Variants in EIF3L observed in about 807,000 individuals in gnomAD.
The protein encoded by EIF3L is eukaryotic translation initiation factor 3 subunit L.
A neutral mutation model predicts 74.6 loss-of-function variants in EIF3L; 32 were observed. The ratio of observed to expected loss-of-function variants is 0.43; its 90% CI spans 0.32 to 0.58. The LOEUF (loss-of-function observed/expected upper bound fraction) is 0.58. Ranked by LOEUF, EIF3L falls within the 20% of genes least tolerant of loss-of-function variation. The probability of loss-of-function intolerance (pLI) is 0.06; values close to 1 mark genes in which losing one functional copy is unlikely to be tolerated. For synonymous variants in EIF3L, 256 were observed against 254.4 expected (o/e 1.01, Z -0.06); for missense variants, 474 against 707.8 (o/e 0.67, Z 3.75).
At position 37,888,512 on chromosome 22, in the gene EIF3L, G is replaced by A. The variant is rs1221023416; in HGVS notation, c.*48G>A. 1.2e-6 allele frequency: 2 copies of A among 1,602,176 alleles called. No individual in the cohort carries two copies. The highest frequency in any genetic ancestry group is 4.5e-5 in the East Asian group (2 of 44,804). The stretch of plus-strand genomic sequence containing the variant: ...ACCTGTTTTGATGTATTATAGGCAG[G>A]AAGTGTTTTTGCTACCGTGAAACCT... On this transcript the variant is annotated 3_prime_UTR_variant, in exon 13 of 13. Coordinates refer to ENST00000652021, the MANE Select transcript of EIF3L (RefSeq NM_016091.4).
At position 37,877,717 on chromosome 22, in the gene EIF3L, C is replaced by T. The variant is rs756257327; in HGVS notation, c.1121C>T (p.Ala374Val). Residue 374 changes from alanine (A) to valine (V), a missense_variant, in exon 11 of 13, where the codon GCC (alanine) becomes GTC (valine). Around this residue, in one of 4 missense-constraint regions of EIF3L, gnomAD observed 293 missense variants for 469.1 expected, o/e 0.62. Transcript: ENST00000652021. ...CAGATGCATGCGCTGCTGGCCATTG[C>T]CCTCACGATGTACCCCATGCGTATT... Reference protein sequence around the residue: ...NEQMHALLAIALTMYPMRIDE... With the variant: ...NEQMHALLAIVLTMYPMRIDE... The T allele has an allele frequency of 9.9e-6, 16 of 1,612,280 alleles. No homozygotes were observed. In the South Asian group the frequency reaches 1.8e-4, roughly 18 times the overall value.
rs771870532 is a variant in EIF3L, at chr22:37,862,953, C to G, written c.436-16C>G. On this transcript the variant is annotated splice_polypyrimidine_tract_variant and intron_variant, in intron 5 of 12. Transcript: ENST00000652021. The stretch of plus-strand genomic sequence containing the variant: ...ATTAAATATCTGTATCTTGATATCT[C>G]TTGTTTTCTTTACAGGGGGGACCTT... 1.9e-6 allele frequency: 3 copies of G among 1,593,874 alleles called. No homozygotes were observed. Among genetic ancestry groups the G allele is most frequent in the South Asian group, 1.1e-5 (1 of 89,120 alleles).
intron 7 of EIF3L, among the ~76,000 whole-genome samples, chr22:37,867,060 G>A (rs1297853097): frequency 6.6e-6 from 1 of 152,088 alleles, no homozygotes; most frequent in Non-Finnish European, 1.5e-5. Context: ...TTAAGAGATG[G>A]GGGTCTTGCC....
At chr22:37,878,210 G>C (rs771466383) in intron 11 of EIF3L, 39 bp downstream of exon 11, 3 of 1,544,062 alleles carry the variant, frequency 1.9e-6, no homozygotes, top group Non-Finnish European at 2.6e-6. Flanking sequence ...TGTATTAAGT[G>C]TTCAGTATCT....
rs111865277 is a variant in EIF3L, at chr22:37,876,032, C to T, written c.1077+21C>T. On this transcript the variant is annotated intron_variant, in intron 10 of 12. Transcript: ENST00000652021. ...AGATGGTAAGGGGGACTCTGCCTGC[C>T]ACCAGTGGCCTTTCTAATCAGGGGG... The T allele has an allele frequency of 1.7e-4, 266 of 1,603,026 alleles. No homozygotes were observed. In the African/African-American group the frequency reaches 3.0e-3, roughly 18 times the overall value.
At chr22:37,854,863 A>G (rs951982914) in intron 3 of EIF3L, among the ~76,000 whole-genome samples, 2 of 152,076 alleles carry the variant, frequency 1.3e-5, no homozygotes, top group African/African-American at 4.8e-5. Context: ...CTTGTCTTGA[A>G]TTCCTGGGTT....
At chr22:37,863,068 G>T (rs1925945206) in intron 6 of EIF3L, 30 bp downstream of exon 6, 7 of 1,569,384 alleles carry the variant, frequency 4.5e-6, no homozygotes, top group African/African-American at 1.4e-5. Flanking sequence ...AAGAGGGTGT[G>T]TGTGGTTATG....
intron 4 of EIF3L, among the ~76,000 whole-genome samples, chr22:37,855,882 C>G (rs1025788893): frequency 6.6e-6 from 1 of 152,012 alleles, no homozygotes; most frequent in African/African-American, 2.4e-5. Context: ...CTATTTCCTT[C>G]TATAATTTGG....
intron 9 of EIF3L, 57 bp downstream of exon 9, chr22:37,874,581 AAC>A: frequency 1.3e-6 from 2 of 1,571,978 alleles, no homozygotes; most frequent in Admixed American, 3.6e-5. Flanking sequence ...ATTTCTAGAG[AAC>A]CACTCTGATC....
chr22:37,888,988 C>T lies in EIF3L; in HGVS notation c.*524C>T, dbSNP rs1927458024. Reference sequence around the variant, plus strand: ...TCCTGGCCTCAAGTGATTCGCCTGCCTTGGCCTCCCAAAATGTGCTAGGAT... The same window carrying T: ...TCCTGGCCTCAAGTGATTCGCCTGCTTTGGCCTCCCAAAATGTGCTAGGAT... On this transcript the variant is annotated 3_prime_UTR_variant, in exon 13 of 13. Transcript: ENST00000652021. The T allele has an allele frequency of 6.5e-6, 1 of 153,110 alleles. No homozygotes were observed. The highest frequency in any genetic ancestry group is 2.4e-5 in the African/African-American group (1 of 41,426). The allele number at this position is 153,110 out of a possible 1,614,324, so 9.5% of individuals were successfully genotyped here.
chr22:37,888,126 A>G (rs1404127319), intron 12 of EIF3L: 2 of 321,522 alleles, frequency 6.2e-6, no homozygotes, highest in East Asian at 5.3e-5. Flanking sequence ...TTCTTCCCCT[A>G]ACTGAACTAG....
Position 37,877,566 on chromosome 22 carries a change from A to T in EIF3L, c.1078-108A>T, listed in dbSNP as rs1049446077. Reference sequence around the variant, plus strand: ...GAAGTTCAATGGCTGGTATGAAACAACTGGGTAAGTCAAAGATCTGTGCAG... The same window carrying T: ...GAAGTTCAATGGCTGGTATGAAACATCTGGGTAAGTCAAAGATCTGTGCAG... On this transcript the variant is annotated intron_variant, in intron 10 of 12. Transcript: ENST00000652021. 4 of 1,357,106 alleles carry T rather than the reference A, an allele frequency of 2.9e-6. No homozygotes were observed. The African/African-American group carries it at 5.9e-5, about 20-fold the overall frequency. The allele number at this position is 1,357,106 out of a possible 1,614,324, so 84.1% of individuals were successfully genotyped here.
intron 12 of EIF3L, chr22:37,887,521 C>T (rs958472004): frequency 6.6e-6 from 1 of 152,140 alleles, no homozygotes; most frequent in Non-Finnish European, 1.5e-5. Context: ...TGATTTGAAC[C>T]TGGGAGATGG....
intron 11 of EIF3L, 80 bp from the exon 12 acceptor site, chr22:37,886,685 C>T (rs1220954542): frequency 3.2e-6 from 4 of 1,231,152 alleles, no homozygotes; most frequent in East Asian, 2.5e-5. Context: ...TTATCACTTG[C>T]AAGTCCATGG....
At chr22:37,860,821 C>T (rs1471773235) in intron 5 of EIF3L, among the ~76,000 whole-genome samples, 1 of 152,142 alleles carries the variant, frequency 6.6e-6, no homozygotes, top group African/African-American at 2.4e-5. Context: ...AACATAATAA[C>T]CAGCATGATC....
chr22:37,875,233 C>T (rs1205866218), intron 9 of EIF3L, among the ~76,000 whole-genome samples: 1 of 150,988 alleles, frequency 6.6e-6, no homozygotes. Context: ...AAAAAACTAG[C>T]TGGGTATGGT....
intron 7 of EIF3L, among the ~76,000 whole-genome samples, chr22:37,866,185 T>G (rs1344172704): frequency 6.6e-6 from 1 of 152,202 alleles, no homozygotes; most frequent in Non-Finnish European, 1.5e-5. Flanking sequence ...TAAAGAGAGA[T>G]CACTTCAAAA....
At chr22:37,854,266 T>C (rs1194366273) in intron 3 of EIF3L, among the ~76,000 whole-genome samples, 1 of 152,022 alleles carries the variant, frequency 6.6e-6, no homozygotes, top group African/African-American at 2.4e-5. Flanking sequence ...TCACCAAATG[T>C]TTTAGTGAGG....
chr22:37,888,311 C>A, intron 12 of EIF3L, 115 bp from the exon 13 acceptor site: 1 of 1,105,812 alleles, frequency 9.0e-7, no homozygotes, highest in Non-Finnish European at 1.3e-6. Flanking sequence ...ACATCAGAAA[C>A]TTCCTTTCTT....
Sources: gnomAD v4.1 joint callset for allele counts (sites outside exome capture counted in the v4.1 genomes callset) on GRCh38, gnomAD v4.1.1 for gene constraint, gnomAD v4.1.1 regional missense constraint, MANE v1.5 for transcripts, NCBI Gene and HGNC (gene_info 2026-07-23, HGNC 2026-07-21) for gene names.